OR10Z1: variants seen among roughly 807,000 people sequenced by gnomAD.
OR10Z1 encodes olfactory receptor family 10 subfamily Z member 1, also known as olfactory receptor 10Z1.
For synonymous variants in OR10Z1, 187 were observed against 151.2 expected, an observed-to-expected ratio of 1.24 and a Z score of -1.74; for missense variants, 468 against 371.0, an observed-to-expected ratio of 1.26 and a Z score of -2.15.
Position 158,607,046 on chromosome 1 carries a change from G to A in OR10Z1, c.608G>A (p.Ser203Asn), listed in dbSNP as rs779232732. ...GPSELRIFIL[S>N]LLVLLVSFFF... ...AGTGAGCTGAGGATCTTTATCCTCA[G>A]TCTTTTGGTCCTCTTGGTCTCCTTC... Residue 203 changes from serine (S) to asparagine (N), a missense_variant, in exon 2 of 2, where the codon AGT becomes AAT. Transcript: ENST00000641002. The A allele has an allele frequency of 3.1e-6, 5 of 1,614,052 alleles. No homozygotes were observed. Among genetic ancestry groups the A allele is most frequent in the South Asian group, 2.2e-5 (2 of 91,070 alleles).
In OR10Z1 at chr1:158,611,020, C is replaced by T. The variant is rs1278763862; in HGVS notation, c.*3640C>T. 3.9e-6 allele frequency: 2 copies of T among 513,466 alleles called. No individual in the cohort carries two copies. The highest frequency in any genetic ancestry group is 2.1e-5 in the South Asian group (1 of 48,494). The allele number at this position is 513,466 out of a possible 1,614,324, so 31.8% of individuals were successfully genotyped here. On this transcript the variant is annotated 3_prime_UTR_variant, in exon 2 of 2. Coordinates refer to ENST00000641002, the MANE Select transcript of OR10Z1 (RefSeq NM_001004478.2). ...AAACTTTGACACCCCTCAGCAGTGACTAGTTGCATACAAAATAGCTTCCAC... is the reference window on the plus strand; with the variant it reads ...AAACTTTGACACCCCTCAGCAGTGATTAGTTGCATACAAAATAGCTTCCAC...
chr1:158,607,601 C>A lies in OR10Z1; in HGVS notation c.*221C>A, dbSNP rs1187669977. The A allele has an allele frequency of 4.8e-6, 2 of 415,780 alleles. No homozygotes were observed. Among genetic ancestry groups the A allele is most frequent in the East Asian group, 6.9e-5 (2 of 29,036 alleles). 25.8% of individuals were successfully genotyped at this position (415,780 alleles called of 1,614,324 possible). The stretch of plus-strand genomic sequence containing the variant: ...GCACAACTCAAAATGAGCCCAAAAT[C>A]TGAATTTTAACTTTCAGCCTCCTAG... On this transcript the variant is annotated 3_prime_UTR_variant, in exon 2 of 2. Coordinates refer to ENST00000641002, the MANE Select transcript of OR10Z1 (RefSeq NM_001004478.2).
At position 158,611,472 on chromosome 1, in the gene OR10Z1, A is replaced by C; in HGVS notation, c.*4092A>C. 1.3e-6 allele frequency: 2 copies of C among 1,525,848 alleles called. No individual in the cohort carries two copies. The highest frequency in any genetic ancestry group is 1.8e-6 in the Non-Finnish European group (2 of 1,106,380). 94.5% of individuals were successfully genotyped at this position (1,525,848 alleles called of 1,614,324 possible). On this transcript the variant is annotated 3_prime_UTR_variant, in exon 2 of 2. Transcript: ENST00000641002. ...TGGGGCTTCCCATATTACGCCATAA[A>C]TGCAGGAGATGGAGAGTCTCTGGAA...
intron 1 of OR10Z1, among the ~76,000 whole-genome samples, chr1:158,605,721 T>G (rs1022178223): frequency 6.6e-6 from 1 of 152,122 alleles, no homozygotes; most frequent in Non-Finnish European, 1.5e-5. Context: ...ATGGGGAAAA[T>G]AAGGATAGAT....
rs375407888 is a variant in OR10Z1, at chr1:158,607,391, A to G, written c.*11A>G. ...CTGGGTAAAGGATGAAGGTTACCCC[A>G]ATAGGACACTTTCTTCTGTGTAGGC... On this transcript the variant is annotated 3_prime_UTR_variant, in exon 2 of 2. Coordinates refer to ENST00000641002, the MANE Select transcript of OR10Z1 (RefSeq NM_001004478.2). The G allele has an allele frequency of 9.4e-6, 15 of 1,594,514 alleles. No individual in the cohort carries two copies. The African/African-American group carries it at 2.0e-4, about 21-fold the overall frequency.
chr1:158,605,578 A>G (rs1283987374), intron 1 of OR10Z1, among the ~76,000 whole-genome samples, 177 bp downstream of exon 1: 1 of 152,212 alleles, frequency 6.6e-6, no homozygotes, highest in Non-Finnish European at 1.5e-5. Context: ...ACTCTGCCCA[A>G]GGAATTTGGA....
rs939947517 is a variant in OR10Z1 at position 158,612,265 on chromosome 1, ACT to A, written c.*4887_*4888del. The A allele has an allele frequency of 1.2e-5, 2 of 170,112 alleles. No homozygotes were observed. Among genetic ancestry groups the A allele is most frequent in the African/African-American group, 4.8e-5 (2 of 41,646 alleles). 10.5% of individuals were successfully genotyped at this position (170,112 alleles called of 1,614,324 possible). On this transcript the variant is annotated 3_prime_UTR_variant, in exon 2 of 2. Transcript: ENST00000641002. The stretch of plus-strand genomic sequence containing the variant: ...GATGAGTTCCTGCACGTCCTTCAAC[ACT>A]CACCCTGTGTTAATCATAGATGATA...
In OR10Z1 at chr1:158,608,723, T is replaced by TA. The variant is rs923471908; in HGVS notation, c.*1344dup. 1 of 152,164 alleles carries TA rather than the reference T, an allele frequency of 6.6e-6. No homozygotes were observed. Among genetic ancestry groups the TA allele is most frequent in the Non-Finnish European group, 1.5e-5 (1 of 68,026 alleles). 9.4% of individuals were successfully genotyped at this position (152,164 alleles called of 1,614,324 possible). On this transcript the variant is annotated 3_prime_UTR_variant, in exon 2 of 2. Coordinates refer to ENST00000641002, the MANE Select transcript of OR10Z1 (RefSeq NM_001004478.2). The stretch of plus-strand genomic sequence containing the variant: ...TACATTCTCAGAAGAGAGAATGTAA[T>TA]AGCCAAAGGCTTGATGGTAAGACAA...
Position 158,611,695 on chromosome 1 carries a change from G to A in OR10Z1, c.*4315G>A. 1 of 291,806 alleles carries A rather than the reference G, an allele frequency of 3.4e-6. No individual in the cohort carries two copies. Among genetic ancestry groups the A allele is most frequent in the Non-Finnish European group, 6.6e-6 (1 of 151,794 alleles). 18.1% of individuals were successfully genotyped at this position (291,806 alleles called of 1,614,324 possible). ...GCCTAACAACATTTGTTGACCACTTGATCTATTTCATCTTCCTGGCTGCTT... is the reference window on the plus strand; with the variant it reads ...GCCTAACAACATTTGTTGACCACTTAATCTATTTCATCTTCCTGGCTGCTT... On this transcript the variant is annotated 3_prime_UTR_variant, in exon 2 of 2. Coordinates refer to ENST00000641002, the MANE Select transcript of OR10Z1 (RefSeq NM_001004478.2).
chr1:158,605,873 C>T (rs1649034358), intron 1 of OR10Z1, among the ~76,000 whole-genome samples: 1 of 152,180 alleles, frequency 6.6e-6, no homozygotes, highest in Non-Finnish European at 1.5e-5. Context: ...AAAGTTCTAA[C>T]AAGCAATATG....
In OR10Z1 at chr1:158,606,434, T is replaced by C; in HGVS notation, c.-5T>C. 1 of 1,600,904 alleles carries C rather than the reference T, an allele frequency of 6.2e-7. No homozygotes were observed. The highest frequency in any genetic ancestry group is 8.5e-7 in the Non-Finnish European group (1 of 1,170,076). On this transcript the variant is annotated 5_prime_UTR_variant, in exon 2 of 2. Coordinates refer to ENST00000641002, the MANE Select transcript of OR10Z1 (RefSeq NM_001004478.2). ...AACAAATCTATCAGGGATATACCTC[T>C]CAGAATGGGGCAGACCAACGTAACC...
In OR10Z1 at chr1:158,606,603, G is replaced by A; in HGVS notation, c.165G>A (p.Leu55=). Residue 55 remains leucine (L), a synonymous_variant, in exon 2 of 2, where the codon CTG becomes CTA. Transcript: ENST00000641002. ...IIIAIRLDSH[L]HTPMYLFLSF... is the part of the protein sequence containing the mutation. The stretch of plus-strand genomic sequence containing the variant: ...TAGCCATCAGGCTGGATAGCCATCT[G>A]CACACCCCCATGTACCTCTTCCTTT... The A allele has an allele frequency of 6.2e-7, 1 of 1,614,000 alleles. No homozygotes were observed. The highest frequency in any genetic ancestry group is 8.5e-7 in the Non-Finnish European group (1 of 1,179,948).
rs547966619 is a variant in OR10Z1 at position 158,608,458 on chromosome 1, T to A, written c.*1078T>A. On this transcript the variant is annotated 3_prime_UTR_variant, in exon 2 of 2. Transcript: ENST00000641002. ...CAGCTTCCGAGTCTTATCTTTACAA[T>A]GGTTGGTGACTAAACAGGATCATGC... 1 of 152,280 alleles carries A rather than the reference T, an allele frequency of 6.6e-6. No individual in the cohort carries two copies. The highest frequency in any genetic ancestry group is 1.9e-4 in the East Asian group (1 of 5,180). The allele number at this position is 152,280 out of a possible 1,614,324, so 9.4% of individuals were successfully genotyped here. A position where few individuals can be genotyped will look rare whatever the true frequency, so the allele number is the denominator to read the frequency against.
At position 158,611,055 on chromosome 1, in the gene OR10Z1, T is replaced by C; in HGVS notation, c.*3675T>C. On this transcript the variant is annotated 3_prime_UTR_variant, in exon 2 of 2. Transcript: ENST00000641002. ...ACAAAATAGCTTCCACTCCTCCAAC[T>C]CTATTAACCTTTCTATCTCCCACCC... 3.2e-6 allele frequency: 2 copies of C among 627,962 alleles called. No individual in the cohort carries two copies. The highest frequency in any genetic ancestry group is 5.3e-5 in the Admixed American group (2 of 37,492). The allele number at this position is 627,962 out of a possible 1,614,324, so 38.9% of individuals were successfully genotyped here.
Position 158,611,088 on chromosome 1 carries a change from T to G in OR10Z1, c.*3708T>G, listed in dbSNP as rs899675416. 13 of 882,830 alleles carry G rather than the reference T, an allele frequency of 1.5e-5. No individual in the cohort carries two copies. In the Admixed American group the frequency reaches 1.6e-4, roughly 11 times the overall value. 54.7% of individuals were successfully genotyped at this position (882,830 alleles called of 1,614,324 possible). ...CCTTTCTATCTCCCACCCTTGAGAT[T>G]TTTTAAGATCCTACAATAAATGTAA... On this transcript the variant is annotated 3_prime_UTR_variant, in exon 2 of 2. Transcript: ENST00000641002.
intron 1 of OR10Z1, 45 bp from the exon 2 acceptor site, chr1:158,606,281 T>C (rs1327583366): frequency 1.7e-6 from 1 of 602,334 alleles, no homozygotes; most frequent in African/African-American, 1.9e-5. Flanking sequence ...AACAAATACT[T>C]TTTTGAAGTT....
Position 158,606,705 on chromosome 1 carries a change from C to A in OR10Z1, c.267C>A (p.Asp89Glu), listed in dbSNP as rs770668580. 2 of 1,614,072 alleles carry A rather than the reference C, an allele frequency of 1.2e-6. No individual in the cohort carries two copies. The highest frequency in any genetic ancestry group is 2.2e-5 in the East Asian group (1 of 44,868). Reference protein sequence around the residue: ...PRMLSGLAGGDQAISYVGCAA... With the variant: ...PRMLSGLAGGEQAISYVGCAA... ...TGCTCTCTGGCCTGGCTGGGGGGGACCAGGCTATCTCCTATGTGGGCTGTG... is the reference window on the plus strand; with the variant it reads ...TGCTCTCTGGCCTGGCTGGGGGGGAACAGGCTATCTCCTATGTGGGCTGTG... The change falls in exon 2 of 2, where the codon GAC becomes GAA. Residue 89 changes from aspartate to glutamate, a missense_variant. By Grantham distance (45) the Asp-to-Glu change is conservative (BLOSUM62 2). Transcript: ENST00000641002.
chr1:158,610,954 C>A lies in OR10Z1; in HGVS notation c.*3574C>A, dbSNP rs1649214013. The A allele has an allele frequency of 7.3e-6, 2 of 272,470 alleles. No homozygotes were observed. Among genetic ancestry groups the A allele is most frequent in the Non-Finnish European group, 7.1e-6 (1 of 139,868 alleles). 16.9% of individuals were successfully genotyped at this position (272,470 alleles called of 1,614,324 possible). A position where few individuals can be genotyped will look rare whatever the true frequency, so the allele number is the denominator to read the frequency against. ...ACTTTATTCTATAATCGGAATAAAG[C>A]AAAATGATAAAGACGTGCAAAACAG... On this transcript the variant is annotated 3_prime_UTR_variant, in exon 2 of 2. Coordinates refer to ENST00000641002, the MANE Select transcript of OR10Z1 (RefSeq NM_001004478.2).
At position 158,609,009 on chromosome 1, in the gene OR10Z1, G is replaced by A. The variant is rs1486727664; in HGVS notation, c.*1629G>A. 2.0e-5 allele frequency: 3 copies of A among 152,218 alleles called. No individual in the cohort carries two copies. Among genetic ancestry groups the A allele is most frequent in the Non-Finnish European group, 2.9e-5 (2 of 68,078 alleles). The allele number at this position is 152,218 out of a possible 1,614,324, so 9.4% of individuals were successfully genotyped here. On this transcript the variant is annotated 3_prime_UTR_variant, in exon 2 of 2. Coordinates refer to ENST00000641002, the MANE Select transcript of OR10Z1 (RefSeq NM_001004478.2). ...AGTAGAGAGAAACCAGAGGCAAGGA[G>A]ATCAGCAAGAAACCCATGGATATCA...
Sources: gnomAD v4.1 joint callset for allele counts (sites outside exome capture counted in the v4.1 genomes callset) on GRCh38, gnomAD v4.1.1 for gene constraint, MANE v1.5 for transcripts, NCBI Gene and HGNC (gene_info 2026-07-23, HGNC 2026-07-21) for gene names.